The following KCNIP4 variants were observed in gnomAD, a reference collection of about 807,000 sequenced individuals.
KCNIP4 encodes the protein Kv channel-interacting protein 4.
In KCNIP4, 12 loss-of-function variants were observed where a neutral mutation model predicts 34.0. That is an observed-to-expected ratio of 0.35 (90% confidence interval 0.23 to 0.57). KCNIP4 has a LOEUF of 0.57. Ranked by LOEUF, KCNIP4 falls within the 20% of genes least tolerant of loss-of-function variation. KCNIP4 has a pLI of 0.83. For missense variants in KCNIP4, 238 were observed against 311.7 expected, an observed-to-expected ratio of 0.76 and a Z score of 1.78; for synonymous variants, 124 against 102.2, an observed-to-expected ratio of 1.21 and a Z score of -1.29.
At chr4:21,105,657 T>C (rs146158072) in intron 1 of KCNIP4, among the ~76,000 whole-genome samples, 64,657 of 151,304 alleles carry the variant, frequency 0.43, 14,414 homozygotes, top group African/African-American at 0.5. Flanking sequence ...TGGGAGAGGG[T>C]ATCCCTGTCT....
intron 1 of KCNIP4, among the ~76,000 whole-genome samples, chr4:21,143,990 G>A (rs1752167975): frequency 6.6e-6 from 1 of 152,120 alleles, no homozygotes; most frequent in Non-Finnish European, 1.5e-5. Flanking sequence ...TTACAGGCGT[G>A]AGCCACCGCG....
At chr4:21,524,420 G>A (rs1168884806) in intron 1 of KCNIP4, among the ~76,000 whole-genome samples, 2 of 152,114 alleles carry the variant, frequency 1.3e-5, no homozygotes, top group African/African-American at 4.8e-5. Context: ...GTAAGCTCTT[G>A]CATCTGATTT....
At chr4:20,790,811 G>C (rs1354018353) in intron 3 of KCNIP4, among the ~76,000 whole-genome samples, 5 of 152,126 alleles carry the variant, frequency 3.3e-5, no homozygotes, top group Admixed American at 6.6e-5. Flanking sequence ...CATGTCAAAT[G>C]AACCTACAGA....
intron 1 of KCNIP4, among the ~76,000 whole-genome samples, chr4:20,885,883 C>G (rs1725251820): frequency 1.3e-5 from 2 of 152,158 alleles, no homozygotes; most frequent in Non-Finnish European, 2.9e-5. Context: ...TTCTGCTTTA[C>G]TTTCTCTTCA....
chr4:20,816,832 A>G (rs1297166991), intron 3 of KCNIP4, among the ~76,000 whole-genome samples: 1 of 152,178 alleles, frequency 6.6e-6, no homozygotes, highest in African/African-American at 2.4e-5. Context: ...TTTTCTTATC[A>G]AAAGGGCTGC....
chr4:20,999,815 A>G (rs1350465902), intron 1 of KCNIP4, among the ~76,000 whole-genome samples: 3 of 152,212 alleles, frequency 2.0e-5, no homozygotes, highest in Non-Finnish European at 4.4e-5. Flanking sequence ...TTGAAAATTA[A>G]GAGGTTATTT....
intron 1 of KCNIP4, among the ~76,000 whole-genome samples, chr4:21,523,308 T>C (rs1405369537): frequency 6.6e-6 from 1 of 152,146 alleles, no homozygotes; most frequent in East Asian, 1.9e-4. Context: ...AGGTGATTAA[T>C]TCTATAGGTT....
At chr4:20,967,902 A>G (rs1454548938) in intron 1 of KCNIP4, among the ~76,000 whole-genome samples, 1 of 152,194 alleles carries the variant, frequency 6.6e-6, no homozygotes, top group African/African-American at 2.4e-5. Flanking sequence ...ACCAAAAGCA[A>G]TGGCAACAAA....
In KCNIP4 at chr4:21,234,177, T is replaced by TATATAACGTATATTATATATAAC. The variant is rs1560198405; in HGVS notation, c.62-351491_62-351469dup. 1.7e-3 allele frequency among the ~76,000 whole-genome samples: 169 copies of TATATAACGTATATTATATATAAC among 102,104 alleles called. 46 individuals carry two copies. The highest frequency in any genetic ancestry group is 8.2e-3 in the African/African-American group (165 of 20,044). The allele number at this position is 102,104 out of a possible 152,430, so 67.0% of individuals were successfully genotyped here. On this transcript the variant is annotated intron_variant, in intron 1 of 8. Transcript: ENST00000382152. ...TATATAACGTATATTATATATAACA[T>TATATAACGTATATTATATATAAC]ATATAACGTATATTATATATAACAT...
chr4:21,465,713 G>C (rs1729865734), intron 1 of KCNIP4, among the ~76,000 whole-genome samples: 1 of 152,178 alleles, frequency 6.6e-6, no homozygotes, highest in Non-Finnish European at 1.5e-5. Context: ...TCACAGAATT[G>C]TAGTGAGGGT....
intron 1 of KCNIP4, among the ~76,000 whole-genome samples, chr4:21,741,441 T>C (rs1375461912): frequency 6.6e-6 from 1 of 152,134 alleles, no homozygotes; most frequent in Non-Finnish European, 1.5e-5. Context: ...CTGCTCCATC[T>C]TTTATCTGCT....
chr4:21,700,853 T>C (rs1359967537), intron 1 of KCNIP4, among the ~76,000 whole-genome samples: 1 of 152,182 alleles, frequency 6.6e-6, no homozygotes, highest in Non-Finnish European at 1.5e-5. Context: ...TTGAAGACAC[T>C]GTCCTCTCCC....
intron 1 of KCNIP4, among the ~76,000 whole-genome samples, chr4:21,376,842 A>C (rs1721007103): frequency 6.6e-6 from 1 of 152,222 alleles, no homozygotes. Flanking sequence ...GTTAAATGCC[A>C]CAGCAGTGCC....
intron 1 of KCNIP4, among the ~76,000 whole-genome samples, chr4:20,899,664 G>A (rs937149878): frequency 6.6e-6 from 1 of 152,142 alleles, no homozygotes; most frequent in African/African-American, 2.4e-5. Flanking sequence ...CAATACACAA[G>A]TTTTTGTTAC....
intron 1 of KCNIP4, among the ~76,000 whole-genome samples, chr4:21,039,860 CT>C (rs1741795974): frequency 6.6e-6 from 1 of 152,182 alleles, no homozygotes; most frequent in Non-Finnish European, 1.5e-5. Flanking sequence ...CTATATTCAT[CT>C]GTTCTCATAC....
intron 1 of KCNIP4, among the ~76,000 whole-genome samples, chr4:21,618,734 G>C (rs1224623352): frequency 1.4e-5 from 2 of 144,718 alleles, no homozygotes; most frequent in Non-Finnish European, 3.0e-5. Context: ...CCGGGTGCAC[G>C]CCATTCTCCT....
intron 1 of KCNIP4, among the ~76,000 whole-genome samples, chr4:21,590,193 A>C (rs1458697240): frequency 6.6e-6 from 1 of 152,080 alleles, no homozygotes; most frequent in East Asian, 1.9e-4. Context: ...ATAGCTAGGC[A>C]GCTGGTGTCT....
At chr4:21,241,194 A>C (rs1328661933) in intron 1 of KCNIP4, among the ~76,000 whole-genome samples, 3 of 152,214 alleles carry the variant, frequency 2.0e-5, no homozygotes, top group Admixed American at 2.0e-4. Context: ...TGTAATTCAA[A>C]TTGTATGTTT....
chr4:21,494,142 G>T (rs942844010), intron 1 of KCNIP4, among the ~76,000 whole-genome samples: 2 of 152,146 alleles, frequency 1.3e-5, no homozygotes, highest in East Asian at 3.9e-4. Context: ...CAGCACACTA[G>T]GAATCTGACC....
Sources: allele counts gnomAD v4.1 joint callset (sites outside exome capture counted in the v4.1 genomes callset), GRCh38; gene constraint gnomAD v4.1.1; transcripts MANE v1.5; gene names NCBI Gene and HGNC (gene_info 2026-07-23, HGNC 2026-07-21).